The following LARGE1 variants were observed in gnomAD, a reference collection of about 807,000 sequenced individuals.
LARGE1 encodes the protein xylosyl- and glucuronyltransferase LARGE1.
A neutral mutation model predicts 87.6 loss-of-function variants in LARGE1; 43 were observed. The observed-to-expected ratio is 0.49, with a 90% CI of 0.38 to 0.63. The LOEUF (loss-of-function observed/expected upper bound fraction) is 0.63. Ranked by LOEUF, LARGE1 falls within the 30% of genes least tolerant of loss-of-function variation. LARGE1 has a pLI of 0.00. For synonymous variants in LARGE1, 434 were observed against 394.6 expected (o/e 1.10, Z -1.18); for missense variants, 802 against 1,000.2 (o/e 0.80, Z 2.67).
chr22:33,477,954 G>A (rs958635980), intron 6 of LARGE1, among the ~76,000 whole-genome samples: 1 of 152,146 alleles, frequency 6.6e-6, no homozygotes, highest in South Asian at 2.1e-4. Context: ...TGAGTCACAG[G>A]TCTAACTCCT....
At chr22:33,448,268 A>G (rs1445326544) in intron 6 of LARGE1, among the ~76,000 whole-genome samples, 3 of 152,320 alleles carry the variant, frequency 2.0e-5, no homozygotes, top group Admixed American at 6.5e-5. Context: ...TTTCACCTCC[A>G]TAGAAAATTA....
At chr22:33,618,382 T>C (rs1024385303) in intron 4 of LARGE1, among the ~76,000 whole-genome samples, 3 of 152,214 alleles carry the variant, frequency 2.0e-5, no homozygotes, top group Non-Finnish European at 1.5e-5. Flanking sequence ...ATCTGTGACC[T>C]TGAACAAACT....
chr22:33,845,310 T>C (rs888455097), intron 1 of LARGE1, among the ~76,000 whole-genome samples: 23 of 152,082 alleles, frequency 1.5e-4, no homozygotes, highest in African/African-American at 5.1e-4. Context: ...TATTTACTTA[T>C]TTATTTTTAG....
chr22:33,462,725 G>A (rs557811886), intron 6 of LARGE1, among the ~76,000 whole-genome samples: 1 of 152,276 alleles, frequency 6.6e-6, no homozygotes, highest in South Asian at 2.1e-4. Flanking sequence ...AGGCTTCAGT[G>A]AGCCAAGATC....
chr22:33,527,366 G>A (rs935215686), intron 6 of LARGE1, among the ~76,000 whole-genome samples: 6 of 152,188 alleles, frequency 3.9e-5, no homozygotes, highest in African/African-American at 7.2e-5. Context: ...GGTGGTTCAC[G>A]TACAAAGATA....
intron 1 of LARGE1, among the ~76,000 whole-genome samples, chr22:33,839,169 T>C (rs1342950436): frequency 6.6e-6 from 1 of 152,228 alleles, no homozygotes; most frequent in African/African-American, 2.4e-5. Flanking sequence ...CCACATCTTC[T>C]GCACTTCTGG....
intron 11 of LARGE1, among the ~76,000 whole-genome samples, chr22:33,173,986 T>G (rs1922721971): frequency 6.6e-6 from 1 of 152,128 alleles, no homozygotes; most frequent in Non-Finnish European, 1.5e-5. Context: ...CTGGACCAAC[T>G]GGACCTAATA....
chr22:33,914,615 C>G (rs1439197357), intron 1 of LARGE1, among the ~76,000 whole-genome samples: 3 of 152,122 alleles, frequency 2.0e-5, no homozygotes. Context: ...ATCACAAAGA[C>G]TTTGTGATTC....
At chr22:33,168,279 A>T (rs564518092) in intron 11 of LARGE1, among the ~76,000 whole-genome samples, 43 of 152,342 alleles carry the variant, frequency 2.8e-4, no homozygotes, top group African/African-American at 9.9e-4. Flanking sequence ...AGGATTATAG[A>T]CTATAATTCC....
chr22:33,187,921 C>CAAAAAAAAAAAAAAAAAAAAAAAAAAAAA (rs578115819), intron 11 of LARGE1, among the ~76,000 whole-genome samples: 1 of 36,912 alleles, frequency 2.7e-5, no homozygotes, highest in Non-Finnish European at 5.6e-5. Context: ...GACTCCGTCT[C>CAAAAAAAAAAAAAAAAAAAAAAAAAAAAA]AAAAAAAAAA....
chr22:33,549,412 G>A (rs1001790747), intron 6 of LARGE1, among the ~76,000 whole-genome samples: 11 of 152,120 alleles, frequency 7.2e-5, no homozygotes, highest in African/African-American at 1.9e-4. Flanking sequence ...TTGTAATTTC[G>A]AGGGAAGACC....
intron 9 of LARGE1, among the ~76,000 whole-genome samples, chr22:33,349,774 G>A (rs943844144): frequency 1.3e-5 from 2 of 152,060 alleles, no homozygotes; most frequent in African/African-American, 4.8e-5. Context: ...TGCAGTCTAG[G>A]GTCCTGGTAC....
At chr22:33,711,029 G>A (rs551373134) in intron 2 of LARGE1, among the ~76,000 whole-genome samples, 2 of 152,212 alleles carry the variant, frequency 1.3e-5, no homozygotes, top group African/African-American at 2.4e-5. Flanking sequence ...TACTGTGTAC[G>A]AGGCACTGTG....
intron 2 of LARGE1, among the ~76,000 whole-genome samples, chr22:33,667,518 A>C (rs1449747992): frequency 9.9e-5 from 15 of 152,228 alleles, no homozygotes; most frequent in Non-Finnish European, 1.5e-5. Context: ...AGCTGTAGGC[A>C]CTACAGCCTG....
At chr22:33,592,591 T>C (rs945546648) in intron 5 of LARGE1, among the ~76,000 whole-genome samples, 1 of 152,204 alleles carries the variant, frequency 6.6e-6, no homozygotes, top group Admixed American at 6.5e-5. Context: ...GCTTATTATT[T>C]GCGTATGTTC....
chr22:33,332,040 AAGAGCCGAG>A (rs1937780639), intron 10 of LARGE1, among the ~76,000 whole-genome samples: 1 of 152,092 alleles, frequency 6.6e-6, no homozygotes, highest in African/African-American at 2.4e-5. Flanking sequence ...CAGTGACTGC[AAGAGCCGAG>A]CTTTAATCTG....
At chr22:33,673,057 G>A (rs1261115414) in intron 2 of LARGE1, among the ~76,000 whole-genome samples, 6 of 152,196 alleles carry the variant, frequency 3.9e-5, no homozygotes, top group South Asian at 4.1e-4. Flanking sequence ...GGCAGATCAC[G>A]AGGTCAGGAG....
At chr22:33,726,198 G>C (rs1049278784) in intron 2 of LARGE1, 1 of 151,928 alleles carries the variant, frequency 6.6e-6, no homozygotes, top group African/African-American at 2.4e-5. Flanking sequence ...AAGCCGACAG[G>C]TAAATAAGTA....
At chr22:33,069,122 T>G in the LARGE1 span, among the ~76,000 whole-genome samples, 27 of 152,168 alleles carry the variant, frequency 1.8e-4, no homozygotes, top group Admixed American at 6.5e-4. Flanking sequence ...AAGTCATGTG[T>G]GTGGCACTGT....
Sources: gnomAD v4.1 joint callset for allele counts (sites outside exome capture counted in the v4.1 genomes callset) on GRCh38, gnomAD v4.1.1 for gene constraint, MANE v1.5 for transcripts, NCBI Gene and HGNC (gene_info 2026-07-23, HGNC 2026-07-21) for gene names.